Variants in NUP88 observed in about 807,000 individuals in gnomAD.
NUP88 encodes nucleoporin 88, also known as nuclear pore complex protein Nup88.
A neutral mutation model predicts 93.9 loss-of-function variants in NUP88; 57 were observed. The ratio of observed to expected loss-of-function variants is 0.61; its 90% CI spans 0.49 to 0.76. The LOEUF (loss-of-function observed/expected upper bound fraction) is 0.76. Ranked by LOEUF, NUP88 falls within the 30% of genes least tolerant of loss-of-function variation. The pLI, the probability that NUP88 is intolerant of heterozygous loss-of-function variation, is 0.00. For missense variants in NUP88, 911 were observed against 901.0 expected, an observed-to-expected ratio of 1.01 and a Z score of -0.14; for synonymous variants, 346 against 336.8, an observed-to-expected ratio of 1.03 and a Z score of -0.30.
chr17:5,393,747 TTTTCAAGCTGGTACAG>T, intron 9 of NUP88, among the ~76,000 whole-genome samples: 1 of 152,358 alleles, frequency 6.6e-6, no homozygotes, highest in East Asian at 1.9e-4. Flanking sequence ...CACTGTTCAC[TTTTCAAGCTGGTACAG>T]TTTGCTATCC....
intron 9 of NUP88, among the ~76,000 whole-genome samples, chr17:5,394,268 A>AG (rs1241051297): frequency 2.6e-5 from 4 of 152,192 alleles, no homozygotes; most frequent in African/African-American, 4.8e-5. Flanking sequence ...ATTACTTATA[A>AG]GCAGTGAGTA....
intron 15 of NUP88, 27 bp from the exon 16 acceptor site, chr17:5,386,853 T>G: frequency 6.3e-7 from 1 of 1,590,696 alleles, no homozygotes; most frequent in African/African-American, 1.3e-5. Flanking sequence ...ATAGATATTT[T>G]GGCAGTGGTT....
intron 9 of NUP88, among the ~76,000 whole-genome samples, chr17:5,392,500 A>G (rs1210131442): frequency 6.6e-6 from 1 of 152,176 alleles, no homozygotes; most frequent in Non-Finnish European, 1.5e-5. Flanking sequence ...CATGGAGACG[A>G]TATCTGGAAG....
At chr17:5,406,181 A>G (rs1308820600) in intron 5 of NUP88, among the ~76,000 whole-genome samples, 1 of 152,228 alleles carries the variant, frequency 6.6e-6, no homozygotes, top group Non-Finnish European at 1.5e-5. Flanking sequence ...GGAATGACAA[A>G]AAGATACAAA....
Position 5,405,257 on chromosome 17 carries a change from A to G in NUP88, c.858-14T>C. ...ATATTTCCAGGGCTAAAGAAGGAGT[A>G]AAAACATATTTGGGAAATGTTGACA... On this transcript the variant is annotated splice_polypyrimidine_tract_variant and intron_variant, in intron 5 of 16. Transcript: ENST00000573584. The G allele has an allele frequency of 6.2e-7, 1 of 1,606,560 alleles. No homozygotes were observed. Among genetic ancestry groups the G allele is most frequent in the Non-Finnish European group, 8.5e-7 (1 of 1,175,752 alleles).
chr17:5,406,502 G>A (rs1315145436), intron 5 of NUP88, among the ~76,000 whole-genome samples: 1 of 152,146 alleles, frequency 6.6e-6, no homozygotes, highest in Non-Finnish European at 1.5e-5. Flanking sequence ...TAAATCAAGC[G>A]ATGGAGCCTC....
In NUP88 at chr17:5,394,905, C is replaced by T. The variant is rs1912674330; in HGVS notation, c.1368G>A (p.Lys456=). 2 of 1,612,678 alleles carry T rather than the reference C, an allele frequency of 1.2e-6. No individual in the cohort carries two copies. The highest frequency in any genetic ancestry group is 1.3e-5 in the African/African-American group (1 of 74,880). ...KCFVEHILCT[K]PLPCRQPAPI... The stretch of plus-strand genomic sequence containing the variant: ...AGAGTCCTTACCTGCAGGGCAATGG[C>T]TTCGTACAAAGGATGTGTTCAACAA... The change falls in exon 9 of 17, where the codon AAG becomes AAA. Residue 456 remains lysine, a synonymous_variant. Transcript: ENST00000573584.
intron 3 of NUP88, among the ~76,000 whole-genome samples, chr17:5,413,052 A>G (rs1184186277): frequency 6.6e-6 from 1 of 152,232 alleles, no homozygotes; most frequent in Non-Finnish European, 1.5e-5. Flanking sequence ...TTTTCTTTAG[A>G]CAGGGTTTTA....
At chr17:5,407,605 C>G (rs1190441271) in intron 5 of NUP88, among the ~76,000 whole-genome samples, 1 of 152,154 alleles carries the variant, frequency 6.6e-6, no homozygotes, top group Non-Finnish European at 1.5e-5. Context: ...GATTCTCATA[C>G]CTCTATTTTA....
chr17:5,412,677 C>T lies in NUP88; in HGVS notation c.593+1332G>A, dbSNP rs573505286. 2.6e-5 allele frequency among the ~76,000 whole-genome samples: 4 copies of T among 152,112 alleles called. No homozygotes were observed. The South Asian group carries it at 6.2e-4, about 24-fold the overall frequency. ...CCCCACCCCCCCACATACACACACACAAACACACCATCTATGCAGAGACTA... is the reference window on the plus strand; with the variant it reads ...CCCCACCCCCCCACATACACACACATAAACACACCATCTATGCAGAGACTA... On this transcript the variant is annotated intron_variant, in intron 3 of 16. Coordinates refer to ENST00000573584, the MANE Select transcript of NUP88 (RefSeq NM_002532.6).
At chr17:5,404,003 G>A in intron 7 of NUP88, 96 bp downstream of exon 7, 1 of 1,293,634 alleles carries the variant, frequency 7.7e-7, no homozygotes, top group South Asian at 1.5e-5. Flanking sequence ...TTTAAAGGCT[G>A]GAACCACAGA....
chr17:5,403,623 A>G (rs1378056156), intron 7 of NUP88, among the ~76,000 whole-genome samples: 1 of 151,902 alleles, frequency 6.6e-6, no homozygotes, highest in Admixed American at 6.6e-5. Context: ...TTGCGCCATT[A>G]GACTCCAGCC....
chr17:5,399,133 CA>C, intron 8 of NUP88, among the ~76,000 whole-genome samples: 1 of 150,766 alleles, frequency 6.6e-6, no homozygotes, highest in South Asian at 2.1e-4. Flanking sequence ...TTTTGTGATC[CA>C]CCCACCTCGG....
chr17:5,412,908 A>G (rs1913923613), intron 3 of NUP88, among the ~76,000 whole-genome samples: 1 of 152,252 alleles, frequency 6.6e-6, no homozygotes, highest in African/African-American at 2.4e-5. Flanking sequence ...AAGTGCTGGG[A>G]TAACAGGAAG....
Position 5,408,717 on chromosome 17 carries a change from G to T in NUP88, c.857+16C>A. On this transcript the variant is annotated intron_variant, in intron 5 of 16. Coordinates refer to ENST00000573584, the MANE Select transcript of NUP88 (RefSeq NM_002532.6). ...AACTGAGTTTTCATTTCAGGTGGGT[G>T]ACCACCTCAACTTACCTGTGTAACA... 1.3e-6 allele frequency: 2 copies of T among 1,563,450 alleles called. No homozygotes were observed. Among genetic ancestry groups the T allele is most frequent in the South Asian group, 2.4e-5 (2 of 84,134 alleles).
At chr17:5,395,755 TG>T (rs898897621) in intron 8 of NUP88, among the ~76,000 whole-genome samples, 8 of 152,008 alleles carry the variant, frequency 5.3e-5, no homozygotes, top group Non-Finnish European at 5.9e-5. Context: ...TGAACTCAGG[TG>T]ATCTACCTGC....
intron 7 of NUP88, among the ~76,000 whole-genome samples, chr17:5,402,358 C>T (rs1913225616): frequency 6.6e-6 from 1 of 152,104 alleles, no homozygotes; most frequent in South Asian, 2.1e-4. Context: ...AAGAACAAAA[C>T]GTCCACGTCT....
At chr17:5,415,530 CAACTT>C (rs1452549801) in intron 2 of NUP88, among the ~76,000 whole-genome samples, 10 of 152,174 alleles carry the variant, frequency 6.6e-5, no homozygotes, top group African/African-American at 2.4e-4. Context: ...TAAGGGGACT[CAACTT>C]ATAAGTTGCG....
At chr17:5,397,286 C>T (rs1178573752) in intron 8 of NUP88, among the ~76,000 whole-genome samples, 1 of 152,152 alleles carries the variant, frequency 6.6e-6, no homozygotes, top group Non-Finnish European at 1.5e-5. Context: ...ACTGCAGCAA[C>T]CAATGACTGC....
Sources: gnomAD v4.1 joint callset for allele counts (sites outside exome capture counted in the v4.1 genomes callset) on GRCh38, gnomAD v4.1.1 for gene constraint, MANE v1.5 for transcripts, NCBI Gene and HGNC (gene_info 2026-07-23, HGNC 2026-07-21) for gene names.